Variants in NEB observed in about 807,000 individuals in gnomAD.
NEB encodes the protein nemaline myopathy type 2.
NEB carries 512 observed loss-of-function variants against 952.2 expected under a neutral mutation model. The ratio of observed to expected loss-of-function variants is 0.54; its 90% CI spans 0.50 to 0.58. The LOEUF is 0.58. Ranked by LOEUF, NEB falls within the 20% of genes least tolerant of loss-of-function variation. The probability of loss-of-function intolerance (pLI) is 0.00; values close to 1 mark genes in which losing one functional copy is unlikely to be tolerated. For synonymous variants in NEB, 2,900 were observed against 3,149.8 expected (o/e 0.92, Z 2.66); for missense variants, 8,428 against 9,231.1 (o/e 0.91, Z 3.56).
rs918592168 is a variant in NEB, at chr2:151,490,082, A to C, written c.25298-5T>G. The C allele has an allele frequency of 1.1e-5, 17 of 1,596,052 alleles. No individual in the cohort carries two copies. Among genetic ancestry groups the C allele is most frequent in the Non-Finnish European group, 1.4e-5 (16 of 1,169,046 alleles). ...TGGTTTTTGCATGTTTGTAAGCTGA[A>C]AAAAAGGGGGCAAATTCTTTATAAG... On this transcript the variant is annotated splice_region_variant and splice_polypyrimidine_tract_variant and intron_variant, in intron 180 of 181. Coordinates refer to ENST00000397345, the MANE Select transcript of NEB (RefSeq NM_001164508.2).
chr2:151,717,829 C>T (rs971127832), intron 9 of NEB, among the ~76,000 whole-genome samples: 8 of 150,900 alleles, frequency 5.3e-5, no homozygotes, highest in South Asian at 4.2e-4. Flanking sequence ...AGCCTTGGAT[C>T]GACTTGACCA....
At chr2:151,711,049 T>C (rs1431802840) in intron 10 of NEB, among the ~76,000 whole-genome samples, 1 of 152,158 alleles carries the variant, frequency 6.6e-6, no homozygotes, top group African/African-American at 2.4e-5. Flanking sequence ...AATTCAAAAA[T>C]TGAATTATTG....
At chr2:151,643,711 A>G in intron 57 of NEB, 107 bp downstream of exon 57, 2 of 1,500,326 alleles carry the variant, frequency 1.3e-6, no homozygotes, top group East Asian at 2.3e-5. Flanking sequence ...GCGCTTGGGC[A>G]TTAGTCCAGG....
At chr2:151,565,966 A>G (rs927706385) in intron 114 of NEB, 146 bp from the exon 115 acceptor site, 4 of 613,870 alleles carry the variant, frequency 6.5e-6, no homozygotes, top group Non-Finnish European at 8.6e-6. Context: ...CACCTGAGCA[A>G]TATTTCTTGA....
At chr2:151,529,000 T>G (rs1027612151) in intron 146 of NEB, among the ~76,000 whole-genome samples, 1 of 152,234 alleles carries the variant, frequency 6.6e-6, no homozygotes, top group Non-Finnish European at 1.5e-5. Flanking sequence ...TGGCATGGGA[T>G]GAAGCTTCCT....
At chr2:151,535,608 G>A (rs551156819) in intron 142 of NEB, 83 bp downstream of exon 142, 2 of 789,976 alleles carry the variant, frequency 2.5e-6, no homozygotes, top group South Asian at 1.8e-5. Flanking sequence ...GTCATTCTGT[G>A]TATTGGGCTT....
intron 71 of NEB, among the ~76,000 whole-genome samples, chr2:151,623,585 G>T (rs1187626830): frequency 2.6e-5 from 4 of 151,870 alleles, no homozygotes; most frequent in Non-Finnish European, 2.9e-5. Context: ...ACTCTTACAG[G>T]GTCACTATTA....
chr2:151,508,601 C>G (rs189056008), intron 161 of NEB, among the ~76,000 whole-genome samples: 1 of 152,326 alleles, frequency 6.6e-6, no homozygotes, highest in East Asian at 1.9e-4. Context: ...GCGGTCAGGG[C>G]TCCCAGCTAT....
chr2:151,682,896 T>C (rs1014593566), intron 28 of NEB, 127 bp from the exon 29 acceptor site: 2 of 736,290 alleles, frequency 2.7e-6, no homozygotes, highest in African/African-American at 1.8e-5. Context: ...GACATTAAGG[T>C]TATTTTATAT....
chr2:151,689,238 T>A (rs2149032231), intron 24 of NEB: 1 of 123,684 alleles, frequency 8.1e-6, no homozygotes, highest in African/African-American at 3.1e-5. Flanking sequence ...CGTGTCTGGC[T>A]CCATCACCCA....
intron 27 of NEB, among the ~76,000 whole-genome samples, chr2:151,686,392 G>A (rs2099498657): frequency 6.6e-6 from 1 of 152,146 alleles, no homozygotes; most frequent in Admixed American, 6.6e-5. Flanking sequence ...TGTGCCTACT[G>A]CTGGGTTCTG....
intron 161 of NEB, 124 bp from the exon 162 acceptor site, chr2:151,508,233 A>C: frequency 1.6e-6 from 1 of 612,730 alleles, no homozygotes; most frequent in Non-Finnish European, 2.8e-6. Context: ...TATTTTCTTA[A>C]CTGTCCAAGG....
At chr2:151,594,865 C>T (rs1370271970) in intron 92 of NEB, among the ~76,000 whole-genome samples, 13 of 46,176 alleles carry the variant, frequency 2.8e-4, no homozygotes, top group African/African-American at 1.3e-3. Flanking sequence ...AGAGGTCATA[C>T]GTGTGTGGTT....
At chr2:151,704,021 T>C (rs2099689064) in intron 13 of NEB, among the ~76,000 whole-genome samples, 2 of 112,380 alleles carry the variant, frequency 1.8e-5, no homozygotes, top group Non-Finnish European at 3.6e-5. Flanking sequence ...ATGATGGTGA[T>C]GTACAGATGG....
chr2:151,527,552 C>T lies in NEB; in HGVS notation c.21769G>A (p.Ala7257Thr). The change falls in exon 147 of 182, where the codon GCC (alanine) becomes ACC (threonine). Residue 7257 changes from alanine (A) to threonine (T), a missense_variant. This residue lies in a region of NEB where 3,374 missense variants were observed against 3,651.5 expected (regional missense o/e 0.92). Coordinates refer to ENST00000397345, the MANE Select transcript of NEB (RefSeq NM_001164508.2). ...DYKKQYEANK[A>T]HWKWTPDRPD... is the part of the protein sequence containing the mutation. ...CGGTCAGGAGTCCACTTCCAGTGGG[C>T]TTTGTTGGCTTCGTACTGTTTCTTA... The T allele has an allele frequency of 6.2e-7, 1 of 1,613,152 alleles. No individual in the cohort carries two copies. Among genetic ancestry groups the T allele is most frequent in the Non-Finnish European group, 8.5e-7 (1 of 1,179,546 alleles).
chr2:151,645,466 TTTG>T (rs2098944489), intron 55 of NEB, among the ~76,000 whole-genome samples: 2 of 152,192 alleles, frequency 1.3e-5, no homozygotes, highest in Admixed American at 6.5e-5. Flanking sequence ...AGTGAAAGAA[TTTG>T]TTTTTTCAGA....
At chr2:151,506,521 T>C (rs2069023118) in intron 163 of NEB, 3 of 450,300 alleles carry the variant, frequency 6.7e-6, no homozygotes, top group Non-Finnish European at 1.2e-5. Context: ...AGCCAGGAAA[T>C]GTTGATTAAC....
intron 46 of NEB, among the ~76,000 whole-genome samples, chr2:151,661,471 T>A (rs1227747373): frequency 2.0e-5 from 3 of 152,210 alleles, no homozygotes; most frequent in Non-Finnish European, 4.4e-5. Context: ...CATCTTTTTC[T>A]CTGTTATCAA....
rs139201963 is a variant in NEB, at chr2:151,655,249, T to A, written c.6807+21A>T. On this transcript the variant is annotated intron_variant, in intron 51 of 181. Transcript: ENST00000397345. ...ATAAGTTTCAATACAAAACTTAAAATTAATTTTTATATAAATTTACCTGAC... is the reference window on the plus strand; with the variant it reads ...ATAAGTTTCAATACAAAACTTAAAAATAATTTTTATATAAATTTACCTGAC... 3.3e-3 allele frequency: 4,511 copies of A among 1,363,440 alleles called. 112 individuals are homozygous for A. In the East Asian group the frequency reaches 0.066, roughly 20 times the overall value. 84.5% of individuals were successfully genotyped at this position (1,363,440 alleles called of 1,614,324 possible).
Sources: gnomAD v4.1 joint callset for allele counts (sites outside exome capture counted in the v4.1 genomes callset) on GRCh38, gnomAD v4.1.1 for gene constraint, gnomAD v4.1.1 regional missense constraint, MANE v1.5 for transcripts, NCBI Gene and HGNC (gene_info 2026-07-23, HGNC 2026-07-21) for gene names.